Variants in TYW1 observed in about 807,000 individuals in gnomAD.
TYW1 encodes the protein S-adenosyl-L-methionine-dependent tRNA 4-demethylwyosine synthase TYW1.
TYW1 carries 46 observed loss-of-function variants against 96.2 expected under a neutral mutation model. The observed-to-expected ratio is 0.48, with a 90% CI of 0.38 to 0.61. The LOEUF is 0.61. TYW1 is among the 20% of genes least tolerant of loss of function. The pLI is 0.00. For missense variants in TYW1, 684 were observed against 909.6 expected (o/e 0.75, Z 3.19); for synonymous variants, 274 against 323.0 (o/e 0.85, Z 1.63).
chr7:67,000,545 C>G (rs1222864986), intron 3 of TYW1, among the ~76,000 whole-genome samples: 1 of 152,166 alleles, frequency 6.6e-6, no homozygotes. Context: ...ATGAGCCACC[C>G]GCCTCAGCCT....
At chr7:67,215,283 C>T (rs188656080) in intron 15 of TYW1, among the ~76,000 whole-genome samples, 1 of 151,852 alleles carries the variant, frequency 6.6e-6, no homozygotes, top group Non-Finnish European at 1.5e-5. Context: ...AAGCACCCAC[C>T]CCCACTTGAC....
At chr7:67,092,868 A>G (rs1796771165) in intron 11 of TYW1, among the ~76,000 whole-genome samples, 1 of 151,672 alleles carries the variant, frequency 6.6e-6, no homozygotes, top group South Asian at 2.1e-4. Flanking sequence ...AATTTTTGGT[A>G]GAGATGGGGT....
chr7:67,010,580 AT>A (rs1464588297), intron 4 of TYW1, among the ~76,000 whole-genome samples: 9 of 150,170 alleles, frequency 6.0e-5, no homozygotes, highest in African/African-American at 1.5e-4. Flanking sequence ...GGTTCACGCC[AT>A]TCTCCTGCCT....
At chr7:67,029,124 G>A (rs971182882) in intron 7 of TYW1, among the ~76,000 whole-genome samples, 13 of 151,470 alleles carry the variant, frequency 8.6e-5, no homozygotes, top group African/African-American at 2.9e-4. Flanking sequence ...TCAGCCTCCC[G>A]AGTAGCTGGG....
intron 13 of TYW1, among the ~76,000 whole-genome samples, chr7:67,152,961 C>G (rs1798850750): frequency 6.6e-6 from 1 of 152,204 alleles, no homozygotes; most frequent in Non-Finnish European, 1.5e-5. Flanking sequence ...AGCTTATTGT[C>G]TCTGTTCTCA....
chr7:67,159,660 A>G (rs1395231001), intron 13 of TYW1, among the ~76,000 whole-genome samples: 1 of 152,088 alleles, frequency 6.6e-6, no homozygotes, highest in African/African-American at 2.4e-5. Context: ...CAATCATTCA[A>G]TATAGTCTTT....
intron 7 of TYW1, among the ~76,000 whole-genome samples, chr7:67,025,380 C>T (rs1313741317): frequency 5.8e-5 from 8 of 137,942 alleles, no homozygotes; most frequent in African/African-American, 1.9e-4. Context: ...AAAAAAAAAT[C>T]GCAAAATAAA....
chr7:66,997,084 G>C, intron 1 of TYW1, 102 bp downstream of exon 1: 1 of 1,581,462 alleles, frequency 6.3e-7, no homozygotes, highest in Non-Finnish European at 8.6e-7. Flanking sequence ...CCTTTCCTTC[G>C]GAGACTGTTG....
rs938457829 is a variant in TYW1, at chr7:67,010,048, T to C, written c.375+364T>C. On this transcript the variant is annotated intron_variant, in intron 4 of 15. Transcript: ENST00000359626. ...CCCAGGCTGGAGTGCAGTGGTGCAA[T>C]CTCAGTTCAGTGCAATGTCCGTCTC... Among the ~76,000 whole-genome samples the C allele has an allele frequency of 2.0e-5, 3 of 151,048 alleles. No homozygotes were observed. The Admixed American group carries it at 2.0e-4, about 10-fold the overall frequency.
intron 15 of TYW1, among the ~76,000 whole-genome samples, chr7:67,197,589 G>A (rs1800442235): frequency 6.6e-6 from 1 of 152,218 alleles, no homozygotes; most frequent in South Asian, 2.1e-4. Context: ...GTCTCCCAAA[G>A]TGCTGGGATT....
chr7:66,999,611 C>T (rs1793311116), intron 3 of TYW1, among the ~76,000 whole-genome samples: 1 of 152,216 alleles, frequency 6.6e-6, no homozygotes, highest in South Asian at 2.1e-4. Flanking sequence ...GCCTCGGCCT[C>T]CCAAAGTGCT....
chr7:67,104,253 G>C (rs1035906481), intron 12 of TYW1, among the ~76,000 whole-genome samples: 1 of 152,136 alleles, frequency 6.6e-6, no homozygotes, highest in African/African-American at 2.4e-5. Flanking sequence ...TGGGTAATTT[G>C]TGAAGAAAAG....
rs1339505823 is a variant in TYW1, at chr7:67,233,762, C to A, written c.1978-4546C>A. Reference sequence around the variant, plus strand: ...CAGCTTCTGCCTTTTACATGGAACACTTTGATTTTTTCTGAGCTGTGATTA... The same window carrying A: ...CAGCTTCTGCCTTTTACATGGAACAATTTGATTTTTTCTGAGCTGTGATTA... On this transcript the variant is annotated intron_variant, in intron 15 of 15. Coordinates refer to ENST00000359626, the MANE Select transcript of TYW1 (RefSeq NM_018264.4). 8.1e-5 allele frequency among the ~76,000 whole-genome samples: 11 copies of A among 136,050 alleles called. 3 individuals carry two copies. The highest frequency in any genetic ancestry group is 3.2e-4 in the African/African-American group (11 of 34,132). The allele number at this position is 136,050 out of a possible 152,430, so 89.3% of individuals were successfully genotyped here. A position where few individuals can be genotyped will look rare whatever the true frequency, so the allele number is the denominator to read the frequency against.
chr7:67,196,546 T>C (rs3980790), intron 15 of TYW1, among the ~76,000 whole-genome samples: 43,741 of 151,794 alleles, frequency 0.29, 6,932 homozygotes, highest in African/African-American at 0.43. Flanking sequence ...AATGTGGTGT[T>C]TTAGATATGT....
intron 11 of TYW1, among the ~76,000 whole-genome samples, chr7:67,091,384 A>G (rs1273800399): frequency 2.2e-5 from 3 of 135,808 alleles, no homozygotes; most frequent in Admixed American, 7.8e-5. Flanking sequence ...TAGACATAGG[A>G]AGGGGAACAT....
chr7:67,095,709 AGCAGCAG>A (rs761775493), intron 11 of TYW1, among the ~76,000 whole-genome samples: 4,698 of 102,228 alleles, frequency 0.046, 124 homozygotes, highest in African/African-American at 0.11. Context: ...CAGCAGCAGC[AGCAGCAG>A]CAGCCCCTAT....
At chr7:67,068,058 G>T (rs1434051107) in intron 10 of TYW1, among the ~76,000 whole-genome samples, 11 of 141,412 alleles carry the variant, frequency 7.8e-5, no homozygotes, top group South Asian at 6.7e-4. Context: ...TTTCGCTCTT[G>T]TTGCCCAGGG....
chr7:67,018,235 C>T (rs572584754), intron 6 of TYW1, 92 bp downstream of exon 6: 501 of 1,494,452 alleles, frequency 3.4e-4, no homozygotes, highest in Non-Finnish European at 4.4e-4. Context: ...ATCTCGTTGG[C>T]TTCTGGTTAG....
intron 10 of TYW1, among the ~76,000 whole-genome samples, chr7:67,081,734 T>A (rs1796399259): frequency 6.6e-6 from 1 of 151,416 alleles, no homozygotes; most frequent in Admixed American, 6.6e-5. Context: ...CTTTTCTTCT[T>A]TCTTTTTCTC....
Sources: allele counts gnomAD v4.1 joint callset (sites outside exome capture counted in the v4.1 genomes callset), GRCh38; gene constraint gnomAD v4.1.1; transcripts MANE v1.5; gene names NCBI Gene and HGNC (gene_info 2026-07-23, HGNC 2026-07-21).